The following ZNF804A variants were observed in gnomAD, a reference collection of about 807,000 sequenced individuals.
The protein encoded by ZNF804A is zinc finger protein 804A.
In ZNF804A, 2 loss-of-function variants were observed where a neutral mutation model predicts 16.5. The ratio of observed to expected loss-of-function variants is 0.12; its 90% confidence interval spans 0.05 to 0.38. The LOEUF (loss-of-function observed/expected upper bound fraction) is 0.38, where lower values mean the gene tolerates loss of function less well. Ranked by LOEUF, ZNF804A falls within the 10% of genes least tolerant of loss-of-function variation. ZNF804A has a pLI of 0.99. For missense variants in ZNF804A, 1,473 were observed against 1,390.7 expected (o/e 1.06, Z -0.94); for synonymous variants, 534 against 489.6 (o/e 1.09, Z -1.20).
intron 1 of ZNF804A, among the ~76,000 whole-genome samples, chr2:184,823,145 T>C (rs1166903859): frequency 2.0e-5 from 3 of 152,084 alleles, no homozygotes; most frequent in Non-Finnish European, 4.4e-5. Context: ...GCCTGGTCTC[T>C]TTCCAAGATG....
chr2:184,814,699 A>G (rs1375028725), intron 1 of ZNF804A, among the ~76,000 whole-genome samples: 1 of 151,918 alleles, frequency 6.6e-6, no homozygotes, highest in East Asian at 1.9e-4. Context: ...ACCTGAGTAG[A>G]TTTTCCTGAC....
chr2:184,725,930 T>G (rs907899741), intron 1 of ZNF804A, among the ~76,000 whole-genome samples: 5 of 151,700 alleles, frequency 3.3e-5, no homozygotes, highest in Non-Finnish European at 7.4e-5. Flanking sequence ...ATGATGTTCC[T>G]GAGATACATT....
rs1685394600 is a variant in ZNF804A, at chr2:184,913,425, T to C, written c.256-20178T>C. Among the ~76,000 whole-genome samples the C allele has an allele frequency of 2.0e-5, 3 of 152,200 alleles. No individual in the cohort carries two copies. The South Asian group carries it at 6.2e-4, about 31-fold the overall frequency. On this transcript the variant is annotated intron_variant, in intron 2 of 3. Coordinates refer to ENST00000302277, the MANE Select transcript of ZNF804A (RefSeq NM_194250.2). ...CCATTATTTCAGCCTGAATGGCTTCTCTTGGCATTTCTTATAAAGCAAGTC... is the reference window on the plus strand; with the variant it reads ...CCATTATTTCAGCCTGAATGGCTTCCCTTGGCATTTCTTATAAAGCAAGTC...
chr2:184,763,155 G>T (rs542985496), intron 1 of ZNF804A, among the ~76,000 whole-genome samples: 2 of 151,904 alleles, frequency 1.3e-5, no homozygotes, highest in Non-Finnish European at 2.9e-5. Flanking sequence ...AGGATGAATC[G>T]TGTCCCCAAA....
At chr2:184,636,118 C>T (rs965902325) in intron 1 of ZNF804A, among the ~76,000 whole-genome samples, 23 of 151,902 alleles carry the variant, frequency 1.5e-4, no homozygotes, top group Admixed American at 7.9e-4. Context: ...TGCATGTACA[C>T]GTATACCCAC....
chr2:184,671,756 T>C (rs1372352932), intron 1 of ZNF804A, among the ~76,000 whole-genome samples: 3 of 152,370 alleles, frequency 2.0e-5, no homozygotes, highest in East Asian at 1.9e-4. Context: ...CCTCCCTTGC[T>C]TAATTGTGAA....
intron 1 of ZNF804A, among the ~76,000 whole-genome samples, chr2:184,720,565 C>A (rs1389879360): frequency 6.6e-6 from 1 of 151,810 alleles, no homozygotes; most frequent in African/African-American, 2.4e-5. Context: ...AGATAAAAGA[C>A]CTCTAGGAGT....
At chr2:184,824,872 T>TTC (rs1695135243) in intron 1 of ZNF804A, among the ~76,000 whole-genome samples, 1 of 152,012 alleles carries the variant, frequency 6.6e-6, no homozygotes, top group African/African-American at 2.4e-5. Context: ...GGCTTTTTTT[T>TTC]CACAGCATAA....
At chr2:184,739,370 C>T (rs1247024562) in intron 1 of ZNF804A, among the ~76,000 whole-genome samples, 1 of 152,114 alleles carries the variant, frequency 6.6e-6, no homozygotes, top group African/African-American at 2.4e-5. Flanking sequence ...CTGTGATTAA[C>T]AAATAAAAAG....
intron 2 of ZNF804A, among the ~76,000 whole-genome samples, chr2:184,867,339 T>A (rs1278231961): frequency 6.6e-6 from 1 of 152,146 alleles, no homozygotes; most frequent in African/African-American, 2.4e-5. Flanking sequence ...AGTACTCATT[T>A]TGATATGAAT....
At chr2:184,868,836 C>T (rs1030325074) in intron 2 of ZNF804A, among the ~76,000 whole-genome samples, 4 of 151,978 alleles carry the variant, frequency 2.6e-5, no homozygotes, top group Admixed American at 6.6e-5. Context: ...AAAACTAAAA[C>T]TCCAGCCTAA....
chr2:184,845,475 C>G (rs1695497606), intron 1 of ZNF804A, among the ~76,000 whole-genome samples: 1 of 151,994 alleles, frequency 6.6e-6, no homozygotes. Flanking sequence ...TGTCAGTTTT[C>G]TTGAAGCCCT....
intron 1 of ZNF804A, among the ~76,000 whole-genome samples, chr2:184,809,222 T>C (rs11688468): frequency 1 from 151,506 of 151,886 alleles, 75,565 homozygotes; most frequent in Non-Finnish European, 1. Context: ...AATAGTTCTT[T>C]CTCCCAAATA....
chr2:184,849,920 A>T (rs1322053988), intron 1 of ZNF804A, among the ~76,000 whole-genome samples: 2 of 152,042 alleles, frequency 1.3e-5, no homozygotes, highest in Non-Finnish European at 2.9e-5. Flanking sequence ...TTGAGACATC[A>T]TGGATGTAAC....
intron 1 of ZNF804A, among the ~76,000 whole-genome samples, chr2:184,699,133 C>T (rs773483131): frequency 3.3e-5 from 5 of 151,970 alleles, no homozygotes; most frequent in Admixed American, 1.3e-4. Context: ...TCTGTGTCCA[C>T]TACACAATGC....
chr2:184,604,540 T>C (rs1254965190), intron 1 of ZNF804A, among the ~76,000 whole-genome samples: 2 of 152,100 alleles, frequency 1.3e-5, no homozygotes, highest in Admixed American at 1.3e-4. Flanking sequence ...TTAATGGAAT[T>C]ATATTCAGGG....
At chr2:184,715,399 T>A (rs1174997279) in intron 1 of ZNF804A, among the ~76,000 whole-genome samples, 2 of 152,144 alleles carry the variant, frequency 1.3e-5, no homozygotes, top group Non-Finnish European at 2.9e-5. Context: ...ACATTTTTTT[T>A]AAAGAGACAT....
At chr2:184,815,503 A>G (rs1338673559) in intron 1 of ZNF804A, among the ~76,000 whole-genome samples, 1 of 151,844 alleles carries the variant, frequency 6.6e-6, no homozygotes, top group Non-Finnish European at 1.5e-5. Flanking sequence ...AAATAATATT[A>G]TAAATCAGAA....
intron 1 of ZNF804A, among the ~76,000 whole-genome samples, chr2:184,852,241 C>CTCTCTCTCTCTT (rs1695616907): frequency 1.3e-5 from 2 of 150,298 alleles, no homozygotes; most frequent in African/African-American, 4.9e-5. Context: ...CTCTCTCTCT[C>CTCTCTCTCTCTT]TCTCTCTCTC....
Sources: gnomAD v4.1 joint callset for allele counts (sites outside exome capture counted in the v4.1 genomes callset) on GRCh38, gnomAD v4.1.1 for gene constraint, MANE v1.5 for transcripts, NCBI Gene and HGNC (gene_info 2026-07-23, HGNC 2026-07-21) for gene names.